Variants in RPS6KA2 observed in about 807,000 individuals in gnomAD.
The protein encoded by RPS6KA2 is ribosomal protein S6 kinase alpha-2.
In RPS6KA2, 42 loss-of-function variants were observed where a neutral mutation model predicts 91.8. The observed-to-expected ratio is 0.46, with a 90% CI of 0.36 to 0.59. The LOEUF (loss-of-function observed/expected upper bound fraction) is 0.59. Ranked by LOEUF, RPS6KA2 falls within the 20% of genes least tolerant of loss-of-function variation. The probability of loss-of-function intolerance (pLI) is 0.00; values close to 1 mark genes in which losing one functional copy is unlikely to be tolerated. For missense variants in RPS6KA2, 798 were observed against 978.5 expected, an observed-to-expected ratio of 0.82 and a Z score of 2.46; for synonymous variants, 414 against 393.6, an observed-to-expected ratio of 1.05 and a Z score of -0.61.
chr6:166,735,486 T>A (rs1179239229), intron 2 of RPS6KA2, among the ~76,000 whole-genome samples: 5 of 152,210 alleles, frequency 3.3e-5, no homozygotes, highest in Non-Finnish European at 7.3e-5. Flanking sequence ...TTCCTATCCT[T>A]ATTACACTGT....
At chr6:166,741,114 A>G (rs111555289) in intron 2 of RPS6KA2, among the ~76,000 whole-genome samples, 1,544 of 152,376 alleles carry the variant, frequency 0.01, 20 homozygotes, top group African/African-American at 0.035. Flanking sequence ...TGAAGGAGAA[A>G]AGATGGCTTG....
In RPS6KA2 at chr6:166,554,292, C is replaced by T. The variant is rs550374478; in HGVS notation, c.100-15508G>A. On this transcript the variant is annotated intron_variant, in intron 1 of 20. Coordinates refer to ENST00000265678, the MANE Select transcript of RPS6KA2 (RefSeq NM_021135.6). The surrounding 1 kb of genome is among the most constrained non-coding windows in gnomAD (Gnocchi z 4.3). The stretch of plus-strand genomic sequence containing the variant: ...AGAGATCTGCAAAATTTTGCTCGTT[C>T]GTGAGCATTTTAGCTTCTGTTTCAA... 5.9e-5 allele frequency among the ~76,000 whole-genome samples: 9 copies of T among 152,332 alleles called. No individual in the cohort carries two copies. Among genetic ancestry groups the T allele is most frequent in the Admixed American group, 5.2e-4 (8 of 15,298 alleles).
intron 4 of RPS6KA2, among the ~76,000 whole-genome samples, chr6:166,509,721 G>C (rs1782396278): frequency 6.6e-6 from 1 of 152,204 alleles, no homozygotes; most frequent in African/African-American, 2.4e-5. Context: ...CTGCTTCTCT[G>C]TTGGGATAAA....
At chr6:166,793,082 A>C (rs1779136427) in intron 2 of RPS6KA2, among the ~76,000 whole-genome samples, 1 of 152,076 alleles carries the variant, frequency 6.6e-6, no homozygotes, top group Admixed American at 6.6e-5. Flanking sequence ...TTTGCAGATG[A>C]CATGATTGTA....
At chr6:166,766,522 C>T (rs1169270252) in intron 2 of RPS6KA2, among the ~76,000 whole-genome samples, 1 of 152,110 alleles carries the variant, frequency 6.6e-6, no homozygotes, top group Non-Finnish European at 1.5e-5. Context: ...AAAATCTTGC[C>T]TGTTTCTGTG....
Position 166,702,750 on chromosome 6 carries a change from C to T in RPS6KA2, c.123+155450G>A, listed in dbSNP as rs530521939. On this transcript the variant is annotated intron_variant, in intron 2 of 21. Coordinates refer to the RPS6KA2 transcript ENST00000503859. ...AGCCAATCTTCACCAGGAAGGGTCC[C>T]GACACGGGGATCTTGGCGTCCTTCA... 3.5e-3 allele frequency: 4,367 copies of T among 1,233,910 alleles called. 30 individuals are homozygous for T. The highest frequency in any genetic ancestry group is 0.025 in the Middle Eastern group (127 of 5,014). 76.4% of individuals were successfully genotyped at this position (1,233,910 alleles called of 1,614,324 possible).
chr6:166,566,227 T>C (rs1327869075), intron 1 of RPS6KA2, among the ~76,000 whole-genome samples: 2 of 152,186 alleles, frequency 1.3e-5, no homozygotes, highest in East Asian at 3.8e-4. Context: ...CATGTTCCTC[T>C]TCATGATTGT....
intron 2 of RPS6KA2, among the ~76,000 whole-genome samples, chr6:166,731,885 A>C (rs938450089): frequency 8.5e-5 from 13 of 152,250 alleles, no homozygotes; most frequent in African/African-American, 3.1e-4. Context: ...ACCTCAGTCT[A>C]CAGTCCTCAG....
intron 11 of RPS6KA2, among the ~76,000 whole-genome samples, chr6:166,467,073 C>A (rs1780561014): frequency 6.6e-6 from 1 of 152,032 alleles, no homozygotes; most frequent in African/African-American, 2.4e-5. Context: ...CTGACTCATT[C>A]ACTCACTCCC....
intron 2 of RPS6KA2, among the ~76,000 whole-genome samples, chr6:166,673,268 C>T (rs551741004): frequency 1.3e-5 from 2 of 152,280 alleles, no homozygotes; most frequent in African/African-American, 2.4e-5. Flanking sequence ...GTGCAGGCTG[C>T]GGCTCTAGGG....
chr6:166,709,629 G>T (rs1463773226), intron 2 of RPS6KA2, among the ~76,000 whole-genome samples: 2 of 152,212 alleles, frequency 1.3e-5, no homozygotes, highest in Admixed American at 1.3e-4. Flanking sequence ...GTGCAGATGG[G>T]TTAAGAGGAT....
At chr6:166,699,834 T>C (rs1429767542) in intron 2 of RPS6KA2, among the ~76,000 whole-genome samples, 3 of 152,394 alleles carry the variant, frequency 2.0e-5, no homozygotes, top group Middle Eastern at 3.4e-3. Context: ...TATATTTTAC[T>C]ACTTTAGGTG....
chr6:166,664,314 G>A (rs569384650), intron 2 of RPS6KA2, among the ~76,000 whole-genome samples: 2 of 152,336 alleles, frequency 1.3e-5, no homozygotes, highest in East Asian at 1.9e-4. Context: ...CAGCTGGAAC[G>A]CTGCTCCACG....
At chr6:166,455,149 G>C (rs2128458059) in intron 12 of RPS6KA2, among the ~76,000 whole-genome samples, 1 of 152,164 alleles carries the variant, frequency 6.6e-6, no homozygotes, top group African/African-American at 2.4e-5. Flanking sequence ...GCTGTACTTT[G>C]AAAGGAAGAA....
At chr6:166,496,919 A>G (rs989013328) in intron 8 of RPS6KA2, among the ~76,000 whole-genome samples, 17 of 152,326 alleles carry the variant, frequency 1.1e-4, no homozygotes, top group African/African-American at 4.1e-4. Flanking sequence ...CTGCACCGGC[A>G]AAACCTGCAC....
At chr6:166,535,770 T>C (rs761076434) in intron 2 of RPS6KA2, among the ~76,000 whole-genome samples, 4 of 152,266 alleles carry the variant, frequency 2.6e-5, no homozygotes, top group Non-Finnish European at 5.9e-5. Context: ...CTTTTCATTT[T>C]GAGGATAAGG....
intron 2 of RPS6KA2, among the ~76,000 whole-genome samples, chr6:166,727,251 A>T (rs954593674): frequency 2.0e-5 from 3 of 152,130 alleles, no homozygotes; most frequent in Non-Finnish European, 4.4e-5. Context: ...GAAAGAATTG[A>T]AAGTAATGCA....
chr6:166,808,067 C>T (rs139402322), intron 2 of RPS6KA2, among the ~76,000 whole-genome samples: 235 of 152,030 alleles, frequency 1.5e-3, no homozygotes, highest in African/African-American at 4.8e-3. Flanking sequence ...CAGGGCAGCA[C>T]GATGGACCCA....
In RPS6KA2 at chr6:166,459,590, G is replaced by GCA. The variant is rs1562508416; in HGVS notation, c.973-41_973-40dup. The GCA allele has an allele frequency of 6.9e-7, 1 of 1,456,088 alleles. No individual in the cohort carries two copies. Among genetic ancestry groups the GCA allele is most frequent in the Non-Finnish European group, 9.6e-7 (1 of 1,040,296 alleles). 90.2% of individuals were successfully genotyped at this position (1,456,088 alleles called of 1,614,324 possible). ...GAAAGCAAGACAGGGCACTGAGGAT[G>GCA]CACAGACATTGCCACAGAACACTGG... On this transcript the variant is annotated intron_variant, in intron 11 of 20. Transcript: ENST00000265678. The surrounding 1 kb of genome is among the most constrained non-coding windows in gnomAD (Gnocchi z 4.9).
Sources: allele counts gnomAD v4.1 joint callset (sites outside exome capture counted in the v4.1 genomes callset), GRCh38; gene constraint gnomAD v4.1.1; non-coding constraint Gnocchi (gnomAD v3.1); transcripts MANE v1.5; gene names NCBI Gene and HGNC (gene_info 2026-07-23, HGNC 2026-07-21).